The following KHDRBS2 variants were observed in gnomAD, a reference collection of about 807,000 sequenced individuals.
The protein encoded by KHDRBS2 is KH domain-containing, RNA-binding, signal transduction-associated protein 2.
KHDRBS2 carries 26 observed loss-of-function variants against 44.3 expected under a neutral mutation model. The ratio of observed to expected loss-of-function variants is 0.59; its 90% CI spans 0.43 to 0.81. KHDRBS2 has a LOEUF of 0.81. Among genes scored for constraint, KHDRBS2 ranks in the 40% least tolerant of loss-of-function variants. The pLI is 0.00. For synonymous variants in KHDRBS2, 194 were observed against 151.1 expected, an observed-to-expected ratio of 1.28 and a Z score of -2.08; for missense variants, 476 against 433.1, an observed-to-expected ratio of 1.10 and a Z score of -0.88.
chr6:62,187,023 T>C (rs181049755), intron 1 of KHDRBS2, among the ~76,000 whole-genome samples: 1 of 152,060 alleles, frequency 6.6e-6, no homozygotes, highest in South Asian at 2.1e-4. Flanking sequence ...CATAATCATA[T>C]TACATAAGAA....
At chr6:62,022,033 T>A (rs1782443719) in intron 3 of KHDRBS2, among the ~76,000 whole-genome samples, 1 of 146,410 alleles carries the variant, frequency 6.8e-6, no homozygotes, top group Non-Finnish European at 1.5e-5. Context: ...ACAAACACTA[T>A]ATATATATAT....
chr6:61,954,678 A>G (rs141791952), intron 4 of KHDRBS2, among the ~76,000 whole-genome samples: 59,430 of 77,860 alleles, frequency 0.76, 23,458 homozygotes, highest in East Asian at 0.84. Flanking sequence ...ATATACACAT[A>G]CATACTTATG....
intron 1 of KHDRBS2, among the ~76,000 whole-genome samples, chr6:62,277,284 T>A (rs1183243803): frequency 6.6e-6 from 1 of 152,138 alleles, no homozygotes; most frequent in Non-Finnish European, 1.5e-5. Flanking sequence ...ATTTGATACT[T>A]CATTTATTAA....
chr6:62,011,099 C>A (rs1018550369), intron 3 of KHDRBS2, among the ~76,000 whole-genome samples: 18 of 149,728 alleles, frequency 1.2e-4, no homozygotes, highest in African/African-American at 3.9e-4. Flanking sequence ...ATTTTGATGA[C>A]TTATATATAT....
chr6:61,702,494 T>A (rs923739195), intron 7 of KHDRBS2, among the ~76,000 whole-genome samples: 4 of 151,960 alleles, frequency 2.6e-5, no homozygotes, highest in African/African-American at 9.7e-5. Flanking sequence ...TCCCAAATAA[T>A]ATAGTTGGCA....
At chr6:61,607,090 A>G in the KHDRBS2 span, among the ~76,000 whole-genome samples, 7 of 152,000 alleles carry the variant, frequency 4.6e-5, no homozygotes, top group African/African-American at 1.7e-4. Context: ...GATACGCATG[A>G]TTAATTTTTT....
chr6:62,164,808 A>C (rs1818340083), intron 2 of KHDRBS2, among the ~76,000 whole-genome samples: 2 of 151,830 alleles, frequency 1.3e-5, no homozygotes, highest in Non-Finnish European at 1.5e-5. Context: ...ATGAAGTGAA[A>C]TTTTCCGCAT....
intron 2 of KHDRBS2, among the ~76,000 whole-genome samples, chr6:62,122,277 G>A (rs1280178599): frequency 6.6e-6 from 1 of 152,126 alleles, no homozygotes; most frequent in Non-Finnish European, 1.5e-5. Flanking sequence ...GCAGGGCCCT[G>A]CCATCTTCTG....
chr6:62,103,554 C>A, intron 2 of KHDRBS2, among the ~76,000 whole-genome samples: 1 of 125,942 alleles, frequency 7.9e-6, no homozygotes, highest in African/African-American at 2.9e-5. Flanking sequence ...CGCCCCCCAC[C>A]CCCACCTCTG....
chr6:61,638,435 G>T, the KHDRBS2 span, among the ~76,000 whole-genome samples: 2 of 152,052 alleles, frequency 1.3e-5, no homozygotes, highest in African/African-American at 4.8e-5. Context: ...AAATGGTGCT[G>T]GGAAAACTGG....
the KHDRBS2 span, among the ~76,000 whole-genome samples, chr6:61,640,353 C>A: frequency 1.3e-5 from 2 of 152,064 alleles, no homozygotes; most frequent in African/African-American, 4.8e-5. Context: ...AATAATCTTT[C>A]AGTCATTCAT....
chr6:62,067,275 C>G (rs1417332680), intron 2 of KHDRBS2, among the ~76,000 whole-genome samples: 1 of 151,646 alleles, frequency 6.6e-6, no homozygotes, highest in South Asian at 2.1e-4. Flanking sequence ...TTAATACCCA[C>G]TTAGCGGTAT....
chr6:61,761,144 A>G (rs1779208951), intron 6 of KHDRBS2, among the ~76,000 whole-genome samples: 1 of 152,160 alleles, frequency 6.6e-6, no homozygotes, highest in African/African-American at 2.4e-5. Context: ...TTCCAGAGAA[A>G]TTGTCTTTAA....
the KHDRBS2 span, among the ~76,000 whole-genome samples, chr6:61,597,753 T>TATATAA: frequency 1.8e-5 from 1 of 54,128 alleles, no homozygotes; most frequent in Non-Finnish European, 3.5e-5. Context: ...TATATATATA[T>TATATAA]ATATACATAT....
chr6:61,727,425 C>T (rs1773751308), intron 7 of KHDRBS2, among the ~76,000 whole-genome samples: 1 of 152,066 alleles, frequency 6.6e-6, no homozygotes, highest in South Asian at 2.1e-4. Context: ...CAAAAATTGA[C>T]AAATGGAATC....
At chr6:61,679,115 G>A (rs1252407107), downstream of KHDRBS2, among the ~76,000 whole-genome samples, 1 of 151,808 alleles carries the variant, frequency 6.6e-6, no homozygotes, top group Non-Finnish European at 1.5e-5. Flanking sequence ...AAGCTGGTTA[G>A]CAGCAAAAAA....
chr6:61,922,339 A>C (rs1383992423), intron 4 of KHDRBS2, among the ~76,000 whole-genome samples: 1 of 152,082 alleles, frequency 6.6e-6, no homozygotes, highest in Non-Finnish European at 1.5e-5. Flanking sequence ...AAATTATGGC[A>C]CAGAGAGGAG....
chr6:62,226,490 T>C (rs1296809140), intron 1 of KHDRBS2, among the ~76,000 whole-genome samples: 1 of 152,216 alleles, frequency 6.6e-6, no homozygotes, highest in Admixed American at 6.5e-5. Flanking sequence ...AGGTTGCCTG[T>C]TCACTCTGAT....
chr6:61,665,928 A>G, the KHDRBS2 span, among the ~76,000 whole-genome samples: 1 of 150,902 alleles, frequency 6.6e-6, no homozygotes, highest in East Asian at 2.0e-4. Flanking sequence ...ATTTTAAAAA[A>G]CTATTATACT....
Sources: allele counts gnomAD v4.1 joint callset (sites outside exome capture counted in the v4.1 genomes callset), GRCh38; gene constraint gnomAD v4.1.1; transcripts MANE v1.5; gene names NCBI Gene and HGNC (gene_info 2026-07-23, HGNC 2026-07-21).